Variants in ALOX5AP observed in about 807,000 individuals in gnomAD.
ALOX5AP encodes arachidonate 5-lipoxygenase activating protein.
In ALOX5AP, 9 loss-of-function variants were observed where a neutral mutation model predicts 18.5. The observed-to-expected ratio is 0.49, with a 90% CI of 0.29 to 0.85. ALOX5AP has a LOEUF of 0.85. Ranked by LOEUF, ALOX5AP falls within the 40% of genes least tolerant of loss-of-function variation. The probability of loss-of-function intolerance (pLI) is 0.08; values close to 1 mark genes in which losing one functional copy is unlikely to be tolerated. For missense variants in ALOX5AP, 172 were observed against 202.5 expected, an observed-to-expected ratio of 0.85 and a Z score of 0.91; for synonymous variants, 81 against 78.6, an observed-to-expected ratio of 1.03 and a Z score of -0.16.
intron 1 of ALOX5AP, among the ~76,000 whole-genome samples, chr13:30,729,119 G>A (rs1048534821): frequency 1.2e-4 from 18 of 152,004 alleles, no homozygotes; most frequent in African/African-American, 4.1e-4. Context: ...TTTGAAGAGC[G>A]GAAGTTTTAC....
chr13:30,730,890 AACT>A (rs1372889195), upstream of ALOX5AP, among the ~76,000 whole-genome samples: 1 of 152,152 alleles, frequency 6.6e-6, no homozygotes, highest in Non-Finnish European at 1.5e-5. Context: ...TTCACAGTCA[AACT>A]ACTAACAGTA....
intron 1 of ALOX5AP, among the ~76,000 whole-genome samples, chr13:30,742,859 G>GCCCCCCCCCC (rs11316477): frequency 3.5e-3 from 374 of 105,648 alleles, no homozygotes; most frequent in East Asian, 4.2e-3. Flanking sequence ...GACCTTCACC[G>GCCCCCCCCCC]CCCCCCCCCC....
At chr13:30,738,183 C>A (rs1408309559) in intron 1 of ALOX5AP, among the ~76,000 whole-genome samples, 1 of 152,196 alleles carries the variant, frequency 6.6e-6, no homozygotes, top group Non-Finnish European at 1.5e-5. Flanking sequence ...TCTGCACTCT[C>A]TCTATACTTT....
chr13:30,739,284 A>G (rs1951744271), intron 1 of ALOX5AP, among the ~76,000 whole-genome samples: 1 of 152,192 alleles, frequency 6.6e-6, no homozygotes, highest in East Asian at 1.9e-4. Flanking sequence ...CCACTCATGC[A>G]ACTGCCTTTG....
intron 1 of ALOX5AP, among the ~76,000 whole-genome samples, chr13:30,722,866 C>T (rs1951605032): frequency 6.6e-6 from 1 of 152,204 alleles, no homozygotes. Context: ...TCTCTCTCAC[C>T]TTGTAATCTC....
At chr13:30,728,943 TGA>T (rs1435776408) in intron 1 of ALOX5AP, among the ~76,000 whole-genome samples, 2 of 152,250 alleles carry the variant, frequency 1.3e-5, no homozygotes, top group African/African-American at 4.8e-5. Flanking sequence ...CAGCAATGAT[TGA>T]TAGTTCCAGT....
intron 4 of ALOX5AP, among the ~76,000 whole-genome samples, chr13:30,758,249 G>A (rs1025721532): frequency 6.6e-6 from 1 of 152,162 alleles, no homozygotes; most frequent in Non-Finnish European, 1.5e-5. Flanking sequence ...TTTCAACCCT[G>A]CCGTCTAGAA....
At chr13:30,740,401 T>G (rs1372860377) in intron 1 of ALOX5AP, among the ~76,000 whole-genome samples, 1 of 152,238 alleles carries the variant, frequency 6.6e-6, no homozygotes, top group East Asian at 1.9e-4. Context: ...ATAGTTAAAG[T>G]AGCTAGCAGT....
chr13:30,728,446 T>C (rs1951655395), intron 1 of ALOX5AP, among the ~76,000 whole-genome samples: 1 of 150,268 alleles, frequency 6.7e-6, no homozygotes. Context: ...ATAAATCCCT[T>C]AAAAATGTCT....
At chr13:30,728,951 C>T (rs1951659169) in intron 1 of ALOX5AP, among the ~76,000 whole-genome samples, 1 of 152,214 alleles carries the variant, frequency 6.6e-6, no homozygotes, top group East Asian at 1.9e-4. Flanking sequence ...ATTGATAGTT[C>T]CAGTTGCTCC....
intron 1 of ALOX5AP, among the ~76,000 whole-genome samples, chr13:30,720,042 AG>A: frequency 6.6e-6 from 1 of 152,224 alleles, no homozygotes; most frequent in Middle Eastern, 3.4e-3. Context: ...TCGTATTTTT[AG>A]TAGAGACGGG....
intron 1 of ALOX5AP, among the ~76,000 whole-genome samples, chr13:30,716,990 A>G (rs1367565602): frequency 3.3e-5 from 5 of 152,204 alleles, no homozygotes; most frequent in African/African-American, 1.2e-4. Flanking sequence ...GTTCCCCACC[A>G]GGGAAGCCTT....
At chr13:30,739,443 ATTG>A in intron 1 of ALOX5AP, among the ~76,000 whole-genome samples, 1 of 152,180 alleles carries the variant, frequency 6.6e-6, no homozygotes, top group South Asian at 2.1e-4. Flanking sequence ...ATATATTATT[ATTG>A]TTATTTTTGA....
At chr13:30,760,646 G>C (rs1951933971) in intron 4 of ALOX5AP, among the ~76,000 whole-genome samples, 1 of 152,224 alleles carries the variant, frequency 6.6e-6, no homozygotes, top group South Asian at 2.1e-4. Flanking sequence ...CACACAGGCA[G>C]GTCTGAACTC....
intron 4 of ALOX5AP, among the ~76,000 whole-genome samples, chr13:30,761,573 G>A (rs1404501805): frequency 6.6e-6 from 1 of 152,140 alleles, no homozygotes; most frequent in Non-Finnish European, 1.5e-5. Flanking sequence ...AGGGGACTCT[G>A]TACTCATCTG....
At chr13:30,735,509 A>T, upstream of ALOX5AP, 1 of 1,565,822 alleles carries the variant, frequency 6.4e-7, no homozygotes, top group Non-Finnish European at 8.7e-7. Flanking sequence ...AGAAATTGTA[A>T]TGATGAAAGA....
At chr13:30,753,364 C>A (rs1251500454) in intron 3 of ALOX5AP, among the ~76,000 whole-genome samples, 2 of 152,214 alleles carry the variant, frequency 1.3e-5, no homozygotes, top group African/African-American at 4.8e-5. Flanking sequence ...TCAAACTATG[C>A]TCTTACTAGG....
At chr13:30,721,670 C>A (rs933988729) in intron 1 of ALOX5AP, among the ~76,000 whole-genome samples, 2 of 152,166 alleles carry the variant, frequency 1.3e-5, no homozygotes, top group African/African-American at 4.8e-5. Flanking sequence ...CTCTACAATG[C>A]AAATCCATTT....
intron 1 of ALOX5AP, among the ~76,000 whole-genome samples, chr13:30,714,825 C>T (rs911380662): frequency 2.6e-5 from 4 of 152,132 alleles, no homozygotes; most frequent in Non-Finnish European, 4.4e-5. Flanking sequence ...GCCTCTGGTT[C>T]CTGTTGGGAA....
Sources: allele counts gnomAD v4.1 joint callset (sites outside exome capture counted in the v4.1 genomes callset), GRCh38; gene constraint gnomAD v4.1.1; transcripts MANE v1.5; gene names NCBI Gene and HGNC (gene_info 2026-07-23, HGNC 2026-07-21).